Variants in CDH13 observed in about 807,000 individuals in gnomAD.
CDH13 encodes cadherin-13.
A neutral mutation model predicts 63.8 loss-of-function variants in CDH13; 24 were observed. That is an observed-to-expected ratio of 0.38 (90% confidence interval 0.27 to 0.53). The LOEUF is 0.53. Ranked by LOEUF, CDH13 falls within the 20% of genes least tolerant of loss-of-function variation. The pLI is 0.85. For synonymous variants in CDH13, 503 were observed against 355.3 expected, an observed-to-expected ratio of 1.42 and a Z score of -4.67; for missense variants, 1,049 against 903.1, an observed-to-expected ratio of 1.16 and a Z score of -2.07.
chr16:82,789,886 C>T (rs755969082), intron 1 of CDH13, among the ~76,000 whole-genome samples: 12 of 152,124 alleles, frequency 7.9e-5, no homozygotes, highest in South Asian at 2.1e-4. Context: ...ATTGTGGGCA[C>T]GCTCCTGCGG....
At chr16:83,654,095 A>G (rs995374607) in intron 8 of CDH13, among the ~76,000 whole-genome samples, 3 of 152,056 alleles carry the variant, frequency 2.0e-5, no homozygotes, top group African/African-American at 7.2e-5. Flanking sequence ...GCATGTGGCT[A>G]GGGGATGATG....
chr16:83,419,076 A>G lies in CDH13; in HGVS notation c.782-67401A>G, dbSNP rs116122477. ...TGTGCCCTTAGTGAAGTAAGGGGGA[A>G]TAGGGGCCAAAAGGGCAGCGTGAAG... On this transcript the variant is annotated intron_variant, in intron 6 of 13. Coordinates refer to ENST00000567109, the MANE Select transcript of CDH13 (RefSeq NM_001257.5). Among the ~76,000 whole-genome samples, 294 of 152,256 alleles carry G rather than the reference A, an allele frequency of 1.9e-3. 2 individuals are homozygous for G. Among genetic ancestry groups the G allele is most frequent in the African/African-American group, 6.9e-3 (286 of 41,552 alleles).
chr16:83,351,660 A>C (rs974278727), intron 6 of CDH13, among the ~76,000 whole-genome samples: 1 of 152,168 alleles, frequency 6.6e-6, no homozygotes, highest in Non-Finnish European at 1.5e-5. Context: ...ACTTTTCTAC[A>C]CTTCCATCAA....
intron 10 of CDH13, among the ~76,000 whole-genome samples, chr16:83,738,629 C>A (rs1214997987): frequency 6.6e-6 from 1 of 152,152 alleles, no homozygotes; most frequent in Non-Finnish European, 1.5e-5. Context: ...GGTTTTGGGC[C>A]AGGTGTGGTG....
chr16:83,389,284 C>A (rs36034869), intron 6 of CDH13, among the ~76,000 whole-genome samples: 13,161 of 151,996 alleles, frequency 0.087, 767 homozygotes, highest in Middle Eastern at 0.13. Flanking sequence ...CGTATCTTAA[C>A]GTTTTAGTGT....
At chr16:83,027,102 A>ACCCCCCCCCCCCCCC (rs79185242) in intron 2 of CDH13, among the ~76,000 whole-genome samples, 5 of 100,900 alleles carry the variant, frequency 5.0e-5, no homozygotes, top group Admixed American at 3.2e-4. Flanking sequence ...CAGAAGGGAG[A>ACCCCCCCCCCCCCCC]CCCCCCCCCC....
At chr16:82,927,945 A>G (rs1191624549) in intron 2 of CDH13, among the ~76,000 whole-genome samples, 1 of 152,236 alleles carries the variant, frequency 6.6e-6, no homozygotes, top group African/African-American at 2.4e-5. Context: ...GGGCTATAAG[A>G]CATGGTCTAG....
chr16:82,743,082 G>T (rs1028792677), intron 1 of CDH13, among the ~76,000 whole-genome samples: 5 of 152,150 alleles, frequency 3.3e-5, no homozygotes, highest in East Asian at 3.8e-4. Flanking sequence ...CATGTATGTA[G>T]CGCCCACAAC....
intron 1 of CDH13, among the ~76,000 whole-genome samples, chr16:82,669,274 C>T (rs990366670): frequency 6.6e-6 from 1 of 152,344 alleles, no homozygotes; most frequent in African/African-American, 2.4e-5. Flanking sequence ...GATCCAAGGA[C>T]AAGCCCTTTA....
chr16:82,803,197 C>G (rs941442241), intron 1 of CDH13, among the ~76,000 whole-genome samples: 4 of 152,180 alleles, frequency 2.6e-5, no homozygotes, highest in Non-Finnish European at 4.4e-5. Flanking sequence ...CCTACCATGT[C>G]TTTGTAAGAT....
At chr16:82,929,682 AAG>A (rs2042420787) in intron 2 of CDH13, among the ~76,000 whole-genome samples, 3 of 142,992 alleles carry the variant, frequency 2.1e-5, no homozygotes, top group African/African-American at 7.8e-5. Context: ...AAAAAAAAAA[AAG>A]AAGACAGCCG....
chr16:83,398,814 C>G lies in CDH13; in HGVS notation c.781+53808C>G, dbSNP rs1052882841. Among the ~76,000 whole-genome samples, 22 of 152,310 alleles carry G rather than the reference C, an allele frequency of 1.4e-4. 1 individual carries two copies. In the South Asian group the frequency reaches 2.9e-3, roughly 20 times the overall value. On this transcript the variant is annotated intron_variant, in intron 6 of 13. Coordinates refer to ENST00000567109, the MANE Select transcript of CDH13 (RefSeq NM_001257.5). Reference sequence around the variant, plus strand: ...GAAGAGTTCTTAAAATAGATTTTATCTCATGGGATTGATTTATTGTGCCCA... The same window carrying G: ...GAAGAGTTCTTAAAATAGATTTTATGTCATGGGATTGATTTATTGTGCCCA...
chr16:83,547,762 T>C (rs1193925267), intron 7 of CDH13, among the ~76,000 whole-genome samples: 2 of 152,162 alleles, frequency 1.3e-5, no homozygotes, highest in Non-Finnish European at 2.9e-5. Flanking sequence ...AGTGAACATA[T>C]GCGTGCATGG....
At chr16:83,298,076 GAAAAA>G in intron 5 of CDH13, among the ~76,000 whole-genome samples, 1 of 148,938 alleles carries the variant, frequency 6.7e-6, no homozygotes, top group African/African-American at 2.5e-5. Context: ...AAAAGAAAAA[GAAAAA>G]AAGAAAAAAA....
intron 6 of CDH13, among the ~76,000 whole-genome samples, chr16:83,411,851 T>A (rs182128355): frequency 6.6e-6 from 1 of 152,340 alleles, no homozygotes; most frequent in East Asian, 1.9e-4. Flanking sequence ...TCTCATTTAG[T>A]CCTCATAACA....
intron 4 of CDH13, among the ~76,000 whole-genome samples, chr16:83,141,864 G>C (rs534987756): frequency 1.3e-5 from 2 of 152,272 alleles, no homozygotes; most frequent in East Asian, 3.9e-4. Context: ...TTTTATGGCT[G>C]CATAGTATTC....
intron 2 of CDH13, among the ~76,000 whole-genome samples, chr16:82,968,876 T>A (rs1301220159): frequency 6.6e-6 from 1 of 152,104 alleles, no homozygotes; most frequent in East Asian, 1.9e-4. Context: ...TCCCAGCAGT[T>A]TGGGAGGCTG....
At chr16:83,138,837 A>G (rs943489033) in intron 4 of CDH13, among the ~76,000 whole-genome samples, 2 of 152,094 alleles carry the variant, frequency 1.3e-5, no homozygotes, top group Admixed American at 6.5e-5. Context: ...GCTCCCGGGC[A>G]GGGGAGAGGC....
At chr16:83,521,747 G>C (rs73605872) in intron 7 of CDH13, among the ~76,000 whole-genome samples, 1 of 152,180 alleles carries the variant, frequency 6.6e-6, no homozygotes, top group Non-Finnish European at 1.5e-5. Flanking sequence ...CAACCTGGGT[G>C]CATGGAACCA....
Sources: allele counts gnomAD v4.1 joint callset (sites outside exome capture counted in the v4.1 genomes callset), GRCh38; gene constraint gnomAD v4.1.1; transcripts MANE v1.5; gene names NCBI Gene and HGNC (gene_info 2026-07-23, HGNC 2026-07-21).